Variants in PTPN14 observed in about 807,000 individuals in gnomAD.
PTPN14 encodes protein tyrosine phosphatase non-receptor type 14.
In PTPN14, 53 loss-of-function variants were observed where a neutral mutation model predicts 126.8. That is an observed-to-expected ratio of 0.42 (90% CI 0.34 to 0.53). The LOEUF is 0.53. Among genes scored for constraint, PTPN14 ranks in the 20% least tolerant of loss-of-function variants. The pLI is 0.08. For synonymous variants in PTPN14, 630 were observed against 599.3 expected, an observed-to-expected ratio of 1.05 and a Z score of -0.75; for missense variants, 1,257 against 1,552.9, an observed-to-expected ratio of 0.81 and a Z score of 3.20.
chr1:214,418,502 T>C (rs1196810352), intron 3 of PTPN14, among the ~76,000 whole-genome samples: 1 of 152,254 alleles, frequency 6.6e-6, no homozygotes, highest in East Asian at 1.9e-4. Context: ...GATCTGGGCA[T>C]GAACAACCAC....
intron 3 of PTPN14, among the ~76,000 whole-genome samples, chr1:214,448,397 AT>A (rs34637675): frequency 0.6 from 79,570 of 133,488 alleles, 23,399 homozygotes; most frequent in Admixed American, 0.7. Context: ...AGCCGGGCTA[AT>A]TTTTTTTTTT....
chr1:214,496,271 A>C (rs1654506670), intron 1 of PTPN14, among the ~76,000 whole-genome samples: 1 of 152,146 alleles, frequency 6.6e-6, no homozygotes, highest in Non-Finnish European at 1.5e-5. Context: ...ATAGTGTGCA[A>C]AGTGTTCTAG....
chr1:214,394,788 A>T, intron 9 of PTPN14, 111 bp downstream of exon 9: 1 of 944,540 alleles, frequency 1.1e-6, no homozygotes, highest in Non-Finnish European at 1.7e-6. Context: ...CATCTCTTCA[A>T]GGGAGTATTT....
chr1:214,407,559 A>G (rs1434222805), intron 5 of PTPN14, among the ~76,000 whole-genome samples: 1 of 152,078 alleles, frequency 6.6e-6, no homozygotes, highest in Non-Finnish European at 1.5e-5. Context: ...AATATTCCCT[A>G]ACCATTAAGA....
At chr1:214,484,845 G>A (rs1031618880) in intron 1 of PTPN14, among the ~76,000 whole-genome samples, 6 of 152,192 alleles carry the variant, frequency 3.9e-5, no homozygotes, top group Non-Finnish European at 7.3e-5. Context: ...GCAAAAGTGC[G>A]AGGTGCTGAG....
At chr1:214,454,893 C>T (rs1207152508) in intron 2 of PTPN14, among the ~76,000 whole-genome samples, 3 of 151,914 alleles carry the variant, frequency 2.0e-5, no homozygotes, top group African/African-American at 7.3e-5. Context: ...TTTGTATCTA[C>T]TCACAGCCAG....
chr1:214,488,174 A>T (rs1011488087), intron 1 of PTPN14, among the ~76,000 whole-genome samples: 1 of 152,236 alleles, frequency 6.6e-6, no homozygotes, highest in Non-Finnish European at 1.5e-5. Context: ...TTTTGTACTG[A>T]GCACAGATAA....
At chr1:214,537,545 G>A (rs997330089) in intron 1 of PTPN14, among the ~76,000 whole-genome samples, 6 of 152,180 alleles carry the variant, frequency 3.9e-5, no homozygotes, top group Admixed American at 3.3e-4. Flanking sequence ...TACTTCACAG[G>A]GTTGCCGTAA....
intron 15 of PTPN14, among the ~76,000 whole-genome samples, chr1:214,373,701 A>T (rs997068452): frequency 5.6e-4 from 4 of 7,166 alleles, no homozygotes; most frequent in African/African-American, 3.4e-3. Context: ...TTAAACAATA[A>T]AAAAAAAAAA....
At position 214,519,318 on chromosome 1, in the gene PTPN14, C is replaced by T. The variant is rs528708306; in HGVS notation, c.-155+31865G>A. Reference sequence around the variant, plus strand: ...CAATCAAGAGGGAAGCACCTTTATACAGCATTGCATTCCTGTATCAAAGCC... The same window carrying T: ...CAATCAAGAGGGAAGCACCTTTATATAGCATTGCATTCCTGTATCAAAGCC... On this transcript the variant is annotated intron_variant, in intron 1 of 18. Transcript: ENST00000366956. Among the ~76,000 whole-genome samples, 25 of 152,224 alleles carry T rather than the reference C, an allele frequency of 1.6e-4. 1 individual carries two copies. In the South Asian group the frequency reaches 4.2e-3, roughly 25 times the overall value.
At chr1:214,459,562 C>G (rs1660462710) in intron 2 of PTPN14, among the ~76,000 whole-genome samples, 1 of 151,762 alleles carries the variant, frequency 6.6e-6, no homozygotes, top group Non-Finnish European at 1.5e-5. Context: ...CTCCAACTCC[C>G]TGGTTCAAGT....
intron 17 of PTPN14, among the ~76,000 whole-genome samples, chr1:214,368,150 G>A (rs908465216): frequency 3.3e-5 from 5 of 151,998 alleles, no homozygotes; most frequent in Non-Finnish European, 1.5e-5. Context: ...TATAGGTCTT[G>A]TGAGATGCAA....
At chr1:214,544,799 A>G (rs887275677) in intron 1 of PTPN14, among the ~76,000 whole-genome samples, 43 of 151,678 alleles carry the variant, frequency 2.8e-4, no homozygotes, top group African/African-American at 1.0e-3. Context: ...AGACAGAGAG[A>G]AAAAAGAGGA....
intron 4 of PTPN14, among the ~76,000 whole-genome samples, chr1:214,414,336 T>A (rs1659377908): frequency 6.6e-6 from 1 of 152,168 alleles, no homozygotes; most frequent in Admixed American, 6.5e-5. Context: ...TGAGAAAATG[T>A]TCCACAAACC....
At chr1:214,498,710 T>C (rs1359649777) in intron 1 of PTPN14, among the ~76,000 whole-genome samples, 1 of 152,250 alleles carries the variant, frequency 6.6e-6, no homozygotes, top group Non-Finnish European at 1.5e-5. Context: ...ATATTGCTGA[T>C]AATTTGGTAT....
At chr1:214,498,179 G>C (rs927049658) in intron 1 of PTPN14, among the ~76,000 whole-genome samples, 1 of 152,116 alleles carries the variant, frequency 6.6e-6, no homozygotes, top group Non-Finnish European at 1.5e-5. Flanking sequence ...TATTGTTTCT[G>C]TCCCTAGAGC....
intron 1 of PTPN14, among the ~76,000 whole-genome samples, chr1:214,481,000 T>C (rs1359809176): frequency 2.0e-5 from 3 of 152,020 alleles, no homozygotes; most frequent in Non-Finnish European, 4.4e-5. Flanking sequence ...TTTGCAACCA[T>C]CCACACACTG....
At chr1:214,533,465 ACATTAAGCCAG>A (rs1655610255) in intron 1 of PTPN14, 1 of 474,418 alleles carries the variant, frequency 2.1e-6, no homozygotes, top group Non-Finnish European at 3.6e-6. Context: ...AAGTTCTGAG[ACATTAAGCCAG>A]CAGAAGCAGG....
intron 1 of PTPN14, among the ~76,000 whole-genome samples, chr1:214,472,786 A>G (rs1660788485): frequency 1.3e-5 from 2 of 152,166 alleles, no homozygotes; most frequent in Admixed American, 6.5e-5. Context: ...CCACCACCCA[A>G]GTTTTCCTTT....
Sources: allele counts gnomAD v4.1 joint callset (sites outside exome capture counted in the v4.1 genomes callset), GRCh38; gene constraint gnomAD v4.1.1; transcripts MANE v1.5; gene names NCBI Gene and HGNC (gene_info 2026-07-23, HGNC 2026-07-21).